Variants in KLHL13 observed in about 807,000 individuals in gnomAD.
The protein encoded by KLHL13 is kelch-like protein 13.
In KLHL13, 10 loss-of-function variants were observed where a neutral mutation model predicts 37.1. The ratio of observed to expected loss-of-function variants is 0.27; its 90% CI spans 0.17 to 0.46. The LOEUF is 0.46. Ranked by LOEUF, KLHL13 falls within the 20% of genes least tolerant of loss-of-function variation. The pLI, the probability that KLHL13 is intolerant of heterozygous loss-of-function variation, is 1.00. For synonymous variants in KLHL13, 163 were observed against 181.2 expected, an observed-to-expected ratio of 0.90 and a Z score of 0.81; for missense variants, 360 against 509.3, an observed-to-expected ratio of 0.71 and a Z score of 2.82.
intron 2 of KLHL13, among the ~76,000 whole-genome samples, chrX:117,926,064 C>T (rs1166865141): frequency 8.9e-6 from 1 of 111,963 alleles, no homozygotes; most frequent in Non-Finnish European, 1.9e-5. Context: ...TTGGATTTCA[C>T]CATTACTTAT....
chrX:117,957,247 G>C (rs1239077216), intron 1 of KLHL13, among the ~76,000 whole-genome samples: 1 of 111,340 alleles, frequency 9.0e-6, no homozygotes, highest in African/African-American at 3.3e-5. Flanking sequence ...CATACATAAT[G>C]GTCTTTATAC....
chrX:117,978,486 T>C (rs776622077), upstream of KLHL13, among the ~76,000 whole-genome samples: 2 of 111,388 alleles, frequency 1.8e-5, no homozygotes, highest in East Asian at 5.6e-4. Context: ...TGGCTGGCTG[T>C]AAGGGGAAAG....
intron 1 of KLHL13, among the ~76,000 whole-genome samples, chrX:117,984,262 T>A (rs1027581998): frequency 1.8e-5 from 2 of 111,650 alleles, no homozygotes; most frequent in African/African-American, 6.5e-5. Context: ...AGCACTACAG[T>A]ATAGGCTGTT....
At chrX:118,012,418 C>G (rs1306012844) in intron 1 of KLHL13, among the ~76,000 whole-genome samples, 2 of 110,366 alleles carry the variant, frequency 1.8e-5, no homozygotes, top group Admixed American at 9.8e-5. Flanking sequence ...AGGCTACCTG[C>G]ATTCTTGGCT....
chrX:118,091,357 C>A (rs1408457061), intron 1 of KLHL13, among the ~76,000 whole-genome samples: 5 of 111,510 alleles, frequency 4.5e-5, no homozygotes, highest in Non-Finnish European at 9.4e-5. Flanking sequence ...AAGTAGCCAT[C>A]ATAAAAATGC....
intron 1 of KLHL13, among the ~76,000 whole-genome samples, chrX:118,062,666 C>A (rs925499269): frequency 9.0e-6 from 1 of 110,523 alleles, no homozygotes; most frequent in African/African-American, 3.3e-5. Flanking sequence ...TTTATTTATT[C>A]TTTATATTAT....
chrX:117,974,779 A>G (rs113558839), upstream of KLHL13, among the ~76,000 whole-genome samples: 4,526 of 111,549 alleles, frequency 0.041, 109 homozygotes, highest in Middle Eastern at 0.12. Flanking sequence ...AAAGATTGAC[A>G]AGTAATATAT....
intron 1 of KLHL13, among the ~76,000 whole-genome samples, chrX:118,115,490 C>CA (rs903845930): frequency 2.7e-5 from 3 of 111,946 alleles, no homozygotes; most frequent in South Asian, 7.4e-4. Context: ...ACTGTGGCTT[C>CA]AAAAAAAAGA....
chrX:117,971,120 T>C, intron 1 of KLHL13, among the ~76,000 whole-genome samples: 1 of 111,727 alleles, frequency 9.0e-6, no homozygotes, highest in Middle Eastern at 4.6e-3. Flanking sequence ...CTGGCATGAA[T>C]TTAATAAAAC....
chrX:117,987,718 A>C (rs2053744291), intron 1 of KLHL13, among the ~76,000 whole-genome samples: 1 of 112,370 alleles, frequency 8.9e-6, no homozygotes, highest in Non-Finnish European at 1.9e-5. Flanking sequence ...AAATGGATTA[A>C]AAGATTCTGC....
chrX:117,944,352 C>T (rs1933210862), intron 2 of KLHL13, among the ~76,000 whole-genome samples: 1 of 111,028 alleles, frequency 9.0e-6, no homozygotes, highest in African/African-American at 3.3e-5. Flanking sequence ...GACCCCAGCT[C>T]CAATTAGAAA....
At chrX:118,004,155 G>C (rs191032625) in intron 1 of KLHL13, among the ~76,000 whole-genome samples, 1 of 111,641 alleles carries the variant, frequency 9.0e-6, no homozygotes, top group Non-Finnish European at 1.9e-5. Context: ...CATGAAAAGG[G>C]AGAAAACTAG....
At chrX:118,083,975 TA>T (rs2055026311) in intron 1 of KLHL13, among the ~76,000 whole-genome samples, 1 of 110,778 alleles carries the variant, frequency 9.0e-6, no homozygotes, top group African/African-American at 3.3e-5. Context: ...GGAGAAATAA[TA>T]AAAAACAAAA....
At chrX:118,088,756 G>C (rs912247166) in intron 1 of KLHL13, among the ~76,000 whole-genome samples, 1 of 111,553 alleles carries the variant, frequency 9.0e-6, no homozygotes, top group Non-Finnish European at 1.9e-5. Context: ...GGAAAGATGA[G>C]GTAGATGCAT....
intron 1 of KLHL13, among the ~76,000 whole-genome samples, chrX:118,061,631 A>G (rs1292953408): frequency 8.9e-6 from 1 of 111,775 alleles, no homozygotes; most frequent in Non-Finnish European, 1.9e-5. Context: ...ATTTCTAATT[A>G]TATATTTGTT....
At chrX:117,991,030 G>A (rs1240792025) in intron 1 of KLHL13, among the ~76,000 whole-genome samples, 1 of 109,546 alleles carries the variant, frequency 9.1e-6, no homozygotes, top group East Asian at 2.8e-4. Flanking sequence ...GGGAGTGGGT[G>A]TGGAGGTTCC....
intron 1 of KLHL13, among the ~76,000 whole-genome samples, chrX:118,062,718 C>T (rs984371531): frequency 5.4e-5 from 6 of 110,318 alleles, no homozygotes; most frequent in African/African-American, 9.9e-5. Context: ...AAGTAGGTCA[C>T]ACTATCTATG....
At chrX:118,109,254 C>T (rs755749568) in intron 1 of KLHL13, among the ~76,000 whole-genome samples, 8 of 112,186 alleles carry the variant, frequency 7.1e-5, no homozygotes, top group Non-Finnish European at 1.5e-4. Context: ...GGGTAACCAA[C>T]ATGTACCCTT....
intron 1 of KLHL13, among the ~76,000 whole-genome samples, chrX:117,986,806 G>A (rs941669679): frequency 1.8e-5 from 2 of 111,498 alleles, no homozygotes; most frequent in East Asian, 5.6e-4. Context: ...TCATTACAGG[G>A]ACCAGAAACC....
Sources: allele counts gnomAD v4.1 joint callset (sites outside exome capture counted in the v4.1 genomes callset), GRCh38; gene constraint gnomAD v4.1.1; transcripts MANE v1.5; gene names NCBI Gene and HGNC (gene_info 2026-07-23, HGNC 2026-07-21).